Variants in ASTN2 observed in about 807,000 individuals in gnomAD.
ASTN2 encodes astrotactin 2.
ASTN2 carries 54 observed loss-of-function variants against 139.8 expected under a neutral mutation model. The observed-to-expected ratio is 0.39, with a 90% CI of 0.31 to 0.48. The LOEUF is 0.48. Among genes scored for constraint, ASTN2 ranks in the 20% least tolerant of loss-of-function variants. ASTN2 has a pLI of 0.95. For missense variants in ASTN2, 1,565 were observed against 1,725.1 expected, an observed-to-expected ratio of 0.91 and a Z score of 1.64; for synonymous variants, 756 against 719.5, an observed-to-expected ratio of 1.05 and a Z score of -0.81.
chr9:116,715,627 T>C (rs1008314603), intron 16 of ASTN2, among the ~76,000 whole-genome samples: 9 of 152,174 alleles, frequency 5.9e-5, no homozygotes, highest in African/African-American at 2.2e-4. Flanking sequence ...ATGCACACTT[T>C]ATGCTTTCCT....
At chr9:117,408,907 G>A (rs1251957213) in intron 1 of ASTN2, among the ~76,000 whole-genome samples, 1 of 152,114 alleles carries the variant, frequency 6.6e-6, no homozygotes, top group African/African-American at 2.4e-5. Context: ...GAAAGAAGTG[G>A]GGTAGGGTAT....
At chr9:116,862,821 CACACACACACACACACACACAT>C (rs1441904099) in intron 11 of ASTN2, among the ~76,000 whole-genome samples, 7 of 72,272 alleles carry the variant, frequency 9.7e-5, no homozygotes, top group Non-Finnish European at 2.2e-4. Flanking sequence ...CACACACACA[CACACACACACACACACACACAT>C]ACACGTTAAA....
At chr9:117,100,793 A>T (rs1325720560) in intron 4 of ASTN2, among the ~76,000 whole-genome samples, 2 of 152,240 alleles carry the variant, frequency 1.3e-5, no homozygotes, top group Non-Finnish European at 2.9e-5. Flanking sequence ...GATTCTGTTA[A>T]ACAACAGTAT....
At chr9:117,028,246 A>G (rs1314111024) in intron 6 of ASTN2, among the ~76,000 whole-genome samples, 1 of 152,132 alleles carries the variant, frequency 6.6e-6, no homozygotes, top group Non-Finnish European at 1.5e-5. Flanking sequence ...TCTGGGGATC[A>G]CTCCAGCTGA....
intron 2 of ASTN2, among the ~76,000 whole-genome samples, chr9:117,271,306 C>T (rs1834057667): frequency 6.6e-6 from 1 of 152,196 alleles, no homozygotes; most frequent in African/African-American, 2.4e-5. Context: ...TATTCACTGT[C>T]ATGAGAATAC....
chr9:117,293,015 A>C (rs1002039560), intron 1 of ASTN2, among the ~76,000 whole-genome samples: 1 of 152,152 alleles, frequency 6.6e-6, no homozygotes, highest in Non-Finnish European at 1.5e-5. Context: ...ACGAATTTTT[A>C]AGTTAGATAT....
intron 10 of ASTN2, among the ~76,000 whole-genome samples, chr9:116,879,953 A>C (rs1564319581): frequency 1.3e-5 from 2 of 152,352 alleles, no homozygotes; most frequent in South Asian, 4.1e-4. Flanking sequence ...AAGGCATTCT[A>C]AAATAAACCA....
intron 10 of ASTN2, among the ~76,000 whole-genome samples, chr9:116,954,001 G>A (rs1835638138): frequency 6.6e-6 from 1 of 152,176 alleles, no homozygotes; most frequent in Admixed American, 6.5e-5. Flanking sequence ...GCTTGGGCGG[G>A]TTACACAGGG....
intron 16 of ASTN2, among the ~76,000 whole-genome samples, chr9:116,684,011 C>T (rs1449796376): frequency 6.6e-6 from 1 of 152,150 alleles, no homozygotes; most frequent in Non-Finnish European, 1.5e-5. Context: ...TCATACAGTC[C>T]CTGTACAAGG....
intron 13 of ASTN2, among the ~76,000 whole-genome samples, chr9:116,754,450 C>T (rs1829485173): frequency 6.6e-6 from 1 of 152,192 alleles, no homozygotes; most frequent in Non-Finnish European, 1.5e-5. Context: ...ATTCTTATTT[C>T]TCCACATCCT....
At chr9:116,590,467 G>A (rs1854335063) in intron 19 of ASTN2, among the ~76,000 whole-genome samples, 1 of 152,192 alleles carries the variant, frequency 6.6e-6, no homozygotes, top group Non-Finnish European at 1.5e-5. Context: ...ACGGGAAAGG[G>A]GCTGGGACAG....
At chr9:117,162,476 C>T (rs781489013) in intron 3 of ASTN2, among the ~76,000 whole-genome samples, 5 of 151,860 alleles carry the variant, frequency 3.3e-5, no homozygotes, top group Non-Finnish European at 5.9e-5. Flanking sequence ...TCTCCAAGGC[C>T]CAGGTAGGAT....
At position 117,106,433 on chromosome 9, in the gene ASTN2, G is replaced by A. The variant is rs1829105505; in HGVS notation, c.1169-10282C>T. ...GGTAGTCTCAAACTCCTGGCCTCAA[G>A]TGATATCCACCCCCCTCAGCCTCCC... On this transcript the variant is annotated intron_variant, in intron 4 of 22. Coordinates refer to ENST00000313400, the MANE Select transcript of ASTN2 (RefSeq NM_001365068.1). 3.3e-5 allele frequency among the ~76,000 whole-genome samples: 5 copies of A among 152,058 alleles called. No individual in the cohort carries two copies. In the South Asian group the frequency reaches 6.2e-4, roughly 19 times the overall value.
At chr9:116,850,351 A>G (rs1049952287) in intron 11 of ASTN2, among the ~76,000 whole-genome samples, 1 of 152,214 alleles carries the variant, frequency 6.6e-6, no homozygotes, top group Non-Finnish European at 1.5e-5. Flanking sequence ...TGTTGTACAT[A>G]TGAGAACACA....
chr9:116,587,377 A>G (rs1248421968), intron 19 of ASTN2, among the ~76,000 whole-genome samples: 1 of 148,892 alleles, frequency 6.7e-6, no homozygotes, highest in Non-Finnish European at 1.5e-5. Context: ...GCACACTGTT[A>G]TAGAAGATCA....
At chr9:116,998,140 C>T (rs1048709313) in intron 7 of ASTN2, among the ~76,000 whole-genome samples, 2 of 152,048 alleles carry the variant, frequency 1.3e-5, no homozygotes, top group African/African-American at 2.4e-5. Context: ...GTTCGTTAAT[C>T]GATAATAAGT....
At chr9:117,129,095 A>G (rs376225896) in intron 4 of ASTN2, among the ~76,000 whole-genome samples, 48 of 152,298 alleles carry the variant, frequency 3.2e-4, no homozygotes, top group African/African-American at 1.1e-3. Flanking sequence ...TATAAGCAAC[A>G]TGGAATTGGT....
chr9:116,970,937 G>A (rs1836178389), intron 10 of ASTN2, among the ~76,000 whole-genome samples: 1 of 152,150 alleles, frequency 6.6e-6, no homozygotes, highest in South Asian at 2.1e-4. Context: ...AAATTGTGAA[G>A]AAGGCCCAGT....
chr9:117,296,983 A>G (rs1356498071), intron 1 of ASTN2, among the ~76,000 whole-genome samples: 4 of 152,222 alleles, frequency 2.6e-5, no homozygotes, highest in Non-Finnish European at 4.4e-5. Flanking sequence ...CCTCCCGGAA[A>G]AGAAATAAAA....
Sources: gnomAD v4.1 joint callset for allele counts (sites outside exome capture counted in the v4.1 genomes callset) on GRCh38, gnomAD v4.1.1 for gene constraint, MANE v1.5 for transcripts, NCBI Gene and HGNC (gene_info 2026-07-23, HGNC 2026-07-21) for gene names.